TBCK: variants seen among roughly 807,000 people sequenced by gnomAD.
TBCK encodes the protein TBC1 domain containing kinase, also known as TBC domain-containing protein kinase-like protein.
In TBCK, 99 loss-of-function variants were observed where a neutral mutation model predicts 113.4. The observed-to-expected ratio is 0.87, with a 90% CI of 0.74 to 1.03. TBCK has a LOEUF of 1.03. TBCK is among the 50% of genes least tolerant of loss of function. TBCK has a pLI of 0.00. For synonymous variants in TBCK, 369 were observed against 370.8 expected (o/e 1.00, Z 0.05); for missense variants, 1,045 against 1,061.3 (o/e 0.98, Z 0.21).
At chr4:106,105,648 C>T (rs530538011) in intron 24 of TBCK, among the ~76,000 whole-genome samples, 2 of 152,318 alleles carry the variant, frequency 1.3e-5, no homozygotes, top group African/African-American at 4.8e-5. Context: ...ACAAAAAATA[C>T]CTCACTAACG....
At chr4:106,209,408 C>G (rs966737789) in intron 20 of TBCK, among the ~76,000 whole-genome samples, 2 of 151,950 alleles carry the variant, frequency 1.3e-5, no homozygotes, top group African/African-American at 4.8e-5. Context: ...CAATAGAAGC[C>G]CCTTTTGTAC....
intron 23 of TBCK, among the ~76,000 whole-genome samples, chr4:106,148,464 T>C (rs1414124994): frequency 6.6e-6 from 1 of 152,198 alleles, no homozygotes; most frequent in Non-Finnish European, 1.5e-5. Flanking sequence ...GAAAAGAACC[T>C]ACATGACTAT....
chr4:106,071,820 C>G (rs1252043347), intron 25 of TBCK, among the ~76,000 whole-genome samples: 1 of 152,206 alleles, frequency 6.6e-6, no homozygotes, highest in Non-Finnish European at 1.5e-5. Flanking sequence ...GTTAGCTCTT[C>G]TTGCTGAATT....
intron 24 of TBCK, among the ~76,000 whole-genome samples, chr4:106,110,151 T>G (rs565536327): frequency 6.6e-6 from 1 of 152,206 alleles, no homozygotes; most frequent in Non-Finnish European, 1.5e-5. Context: ...CTGTACTAAA[T>G]AAATGCCAGC....
chr4:106,050,555 ACT>A (rs1350350457), intron 25 of TBCK, among the ~76,000 whole-genome samples: 2 of 152,066 alleles, frequency 1.3e-5, no homozygotes, highest in East Asian at 3.9e-4. Context: ...AAAATCTCTA[ACT>A]CTTTCTAAAT....
At chr4:106,143,410 G>T (rs547583983) in intron 23 of TBCK, among the ~76,000 whole-genome samples, 1 of 152,250 alleles carries the variant, frequency 6.6e-6, no homozygotes, top group South Asian at 2.1e-4. Context: ...CTTAGAGGAA[G>T]AAAACATTTT....
intron 24 of TBCK, among the ~76,000 whole-genome samples, chr4:106,115,825 G>C (rs1743414713): frequency 6.6e-6 from 1 of 152,192 alleles, no homozygotes; most frequent in South Asian, 2.1e-4. Flanking sequence ...TCAGTGTTGA[G>C]ATGTAGCAAA....
Position 106,252,052 on chromosome 4 carries a change from A to G in TBCK, c.456-45T>C, listed in dbSNP as rs767484516. ...TAATGAAAAATTACAACAGGGAAAG[A>G]AGCGATAGTACATTTTTACAATCAA... On this transcript the variant is annotated intron_variant, in intron 5 of 25. Coordinates refer to ENST00000394708, the MANE Select transcript of TBCK (RefSeq NM_001163435.3). 2.0e-6 allele frequency: 3 copies of G among 1,484,268 alleles called. No individual in the cohort carries two copies. The Admixed American group carries it at 5.8e-5, about 29-fold the overall frequency. The allele number at this position is 1,484,268 out of a possible 1,614,324, so 91.9% of individuals were successfully genotyped here. A position where few individuals can be genotyped will look rare whatever the true frequency, so the allele number is the denominator to read the frequency against.
At chr4:106,173,568 T>C (rs1751284671) in intron 22 of TBCK, among the ~76,000 whole-genome samples, 1 of 152,110 alleles carries the variant, frequency 6.6e-6, no homozygotes, top group Non-Finnish European at 1.5e-5. Context: ...CTTCAATCAC[T>C]GGCATTGGAA....
chr4:106,061,686 G>T (rs1019606181), intron 25 of TBCK, among the ~76,000 whole-genome samples: 17 of 151,442 alleles, frequency 1.1e-4, no homozygotes, highest in African/African-American at 3.4e-4. Flanking sequence ...GTGTGTGTGT[G>T]TATATGCCCG....
chr4:106,294,944 T>C, intron 3 of TBCK, 150 bp downstream of exon 3: 1 of 562,006 alleles, frequency 1.8e-6, no homozygotes. Flanking sequence ...ATATGTAATC[T>C]GTAAATTAAA....
chr4:106,178,773 G>A (rs1751989078), intron 22 of TBCK, among the ~76,000 whole-genome samples: 1 of 151,632 alleles, frequency 6.6e-6, no homozygotes, highest in African/African-American at 2.4e-5. Context: ...TATTTAGAAT[G>A]AGTTTGAAAG....
At chr4:106,248,180 G>GA (rs1208489967) in intron 9 of TBCK, 65 bp downstream of exon 9, 6 of 1,143,550 alleles carry the variant, frequency 5.2e-6, no homozygotes, top group South Asian at 1.6e-5. Context: ...ATTAAAACAA[G>GA]AAAAAAACCA....
chr4:106,054,940 A>G (rs1735215734), intron 25 of TBCK, among the ~76,000 whole-genome samples: 1 of 151,572 alleles, frequency 6.6e-6, no homozygotes, highest in African/African-American at 2.4e-5. Flanking sequence ...ATCTTAGGTA[A>G]AAGACATCTA....
At chr4:106,243,375 T>G (rs917944735) in intron 11 of TBCK, among the ~76,000 whole-genome samples, 78 of 152,250 alleles carry the variant, frequency 5.1e-4, no homozygotes, top group Admixed American at 4.6e-4. Flanking sequence ...AGTAACCTCA[T>G]AGAAGAAAGG....
At chr4:106,250,875 T>C (rs1761351369) in intron 6 of TBCK, among the ~76,000 whole-genome samples, 1 of 151,960 alleles carries the variant, frequency 6.6e-6, no homozygotes, top group Non-Finnish European at 1.5e-5. Context: ...CTTACTTAAA[T>C]ATCATGATTC....
chr4:106,195,518 G>GTGT (rs1754127543), intron 20 of TBCK, among the ~76,000 whole-genome samples: 1 of 132,164 alleles, frequency 7.6e-6, no homozygotes, highest in South Asian at 2.3e-4. Context: ...GTTTGTGTGT[G>GTGT]ATGGTGTTTC....
At chr4:106,279,442 T>C (rs1001369541) in intron 3 of TBCK, among the ~76,000 whole-genome samples, 4 of 152,218 alleles carry the variant, frequency 2.6e-5, no homozygotes, top group African/African-American at 9.6e-5. Context: ...CATTTATCCT[T>C]TATTGGTATT....
chr4:106,212,708 T>A (rs767426469), intron 20 of TBCK, 42 bp downstream of exon 20: 1 of 1,437,168 alleles, frequency 7.0e-7, no homozygotes, highest in Non-Finnish European at 9.7e-7. Context: ...TTTCTGCTTT[T>A]TTTTTTTAAC....
Sources: allele counts gnomAD v4.1 joint callset (sites outside exome capture counted in the v4.1 genomes callset), GRCh38; gene constraint gnomAD v4.1.1; transcripts MANE v1.5; gene names NCBI Gene and HGNC (gene_info 2026-07-23, HGNC 2026-07-21).